Variants in SLC19A1 observed in about 807,000 individuals in gnomAD.
The protein encoded by SLC19A1 is reduced folate transporter.
In SLC19A1, 37 loss-of-function variants were observed where a neutral mutation model predicts 35.3. The observed-to-expected ratio is 1.05, with a 90% confidence interval of 0.81 to 1.38. The LOEUF is 1.38. Ranked by LOEUF, SLC19A1 falls within the 40% of genes most tolerant of loss-of-function variation. The pLI is 0.00. For missense variants in SLC19A1, 831 were observed against 826.9 expected (o/e 1.00, Z -0.06); for synonymous variants, 460 against 398.5 (o/e 1.15, Z -1.84).
At chr21:45,520,338 C>CT (rs1430037101) in intron 5 of SLC19A1, among the ~76,000 whole-genome samples, 2 of 151,822 alleles carry the variant, frequency 1.3e-5, no homozygotes, top group Non-Finnish European at 2.9e-5. Flanking sequence ...AGCCAGTGCA[C>CT]TAAGTCAAGA....
chr21:45,507,716 C>A, downstream of SLC19A1: 1 of 912,298 alleles, frequency 1.1e-6, no homozygotes, highest in Non-Finnish European at 1.8e-6. Flanking sequence ...TGTGGCTCAC[C>A]ATCAGCCCCT....
At chr21:45,519,512 A>G (rs968986241) in intron 5 of SLC19A1, among the ~76,000 whole-genome samples, 2 of 149,824 alleles carry the variant, frequency 1.3e-5, no homozygotes, top group Non-Finnish European at 3.0e-5. Flanking sequence ...TCATGTGAAC[A>G]TTAATCAAAG....
chr21:45,554,632 C>G (rs575978955), intron 1 of SLC19A1, among the ~76,000 whole-genome samples: 1 of 146,074 alleles, frequency 6.8e-6, no homozygotes, highest in African/African-American at 2.6e-5. Context: ...CACGGGGCAG[C>G]GGCGTGGAAA....
At chr21:45,531,019 G>T in intron 3 of SLC19A1, 48 bp from the exon 4 acceptor site, 1 of 1,313,460 alleles carries the variant, frequency 7.6e-7, no homozygotes, top group South Asian at 1.7e-5. Flanking sequence ...GGGGCCACGG[G>T]GCAGGGGGAG....
downstream of SLC19A1, among the ~76,000 whole-genome samples, chr21:45,509,053 T>C (rs531043576): frequency 6.6e-6 from 1 of 152,046 alleles, no homozygotes; most frequent in African/African-American, 2.4e-5. Context: ...GGGCCCTGAA[T>C]TGGAGCCGCG....
At chr21:45,554,987 G>A (rs2078528916) in intron 1 of SLC19A1, among the ~76,000 whole-genome samples, 1 of 151,170 alleles carries the variant, frequency 6.6e-6, no homozygotes, top group Non-Finnish European at 1.5e-5. Flanking sequence ...CCAGAACCCC[G>A]CGCCCAGGAG....
At chr21:45,510,970 CAA>C (rs2037552881), downstream of SLC19A1, 15 of 40,146 alleles carry the variant, frequency 3.7e-4, 6 homozygotes, top group East Asian at 2.3e-3. Context: ...CATACACCCC[CAA>C]ACACCCCCCA....
chr21:45,505,512 T>C (rs2037145167), intron 3 of SLC19A1: 3 of 776,874 alleles, frequency 3.9e-6, no homozygotes, highest in Admixed American at 4.1e-5. Context: ...AGAGACACTC[T>C]CCCACGGACC....
At chr21:45,532,618 G>A (rs921644345) in intron 2 of SLC19A1, among the ~76,000 whole-genome samples, 1 of 106,318 alleles carries the variant, frequency 9.4e-6, no homozygotes, top group African/African-American at 3.0e-5. Context: ...ATTTTTAGTA[G>A]AGATGGGGGT....
chr21:45,511,318 T>G, downstream of SLC19A1: 1 of 730,722 alleles, frequency 1.4e-6, no homozygotes, highest in Non-Finnish European at 2.5e-6. Flanking sequence ...CCCCGAGTTT[T>G]TGGACAAATC....
chr21:45,543,389 A>T (rs528930128), upstream of SLC19A1, among the ~76,000 whole-genome samples: 2 of 152,222 alleles, frequency 1.3e-5, no homozygotes, highest in African/African-American at 2.4e-5. Flanking sequence ...AGTCCACTGC[A>T]CAGAACAGAA....
intron 1 of SLC19A1, among the ~76,000 whole-genome samples, chr21:45,558,569 C>A (rs1272274659): frequency 6.6e-6 from 1 of 152,152 alleles, no homozygotes; most frequent in Non-Finnish European, 1.5e-5. Flanking sequence ...GACTTGAGTT[C>A]AGCCCCAGAA....
At chr21:45,516,636 G>A (rs2037961885) in intron 5 of SLC19A1, among the ~76,000 whole-genome samples, 3 of 152,230 alleles carry the variant, frequency 2.0e-5, no homozygotes, top group Non-Finnish European at 2.9e-5. Context: ...AGCGGAAGCT[G>A]TGCTACGATG....
At chr21:45,505,559 C>T in intron 3 of SLC19A1, 3 of 699,976 alleles carry the variant, frequency 4.3e-6, no homozygotes, top group Admixed American at 2.3e-5. Flanking sequence ...GATGCGGTTT[C>T]CAGGGTGGAA....
At chr21:45,549,833 C>T (rs996563123) in intron 1 of SLC19A1, among the ~76,000 whole-genome samples, 2 of 150,584 alleles carry the variant, frequency 1.3e-5, no homozygotes, top group Admixed American at 1.3e-4. Context: ...GGGGAGGGGA[C>T]AGCTGGGCGC....
At position 45,560,636 on chromosome 21, in the gene SLC19A1, G is replaced by C. The variant is rs539248335; in HGVS notation, c.-50+2106C>G. The stretch of plus-strand genomic sequence containing the variant: ...AGCAAGGACGGCCGCACACGGCGGG[G>C]CAGGGGAGCGGAGGTTGGAGTTGGG... On this transcript the variant is annotated intron_variant, in intron 1 of 5. Coordinates refer to the SLC19A1 transcript ENST00000650808. 2.1e-3 allele frequency among the ~76,000 whole-genome samples: 317 copies of C among 152,380 alleles called. 1 individual carries two copies. Among genetic ancestry groups the C allele is most frequent in the African/African-American group, 7.2e-3 (298 of 41,596 alleles).
chr21:45,503,553 G>A (rs566617279), intron 3 of SLC19A1, among the ~76,000 whole-genome samples: 18 of 147,592 alleles, frequency 1.2e-4, no homozygotes, highest in African/African-American at 1.8e-4. Flanking sequence ...ACCAAACACC[G>A]CATATTCTCA....
chr21:45,555,156 G>C, intron 1 of SLC19A1, among the ~76,000 whole-genome samples: 1 of 88,780 alleles, frequency 1.1e-5, no homozygotes, highest in Non-Finnish European at 2.1e-5. Flanking sequence ...GGTGCAGGGG[G>C]CGGCGGGGGC....
At chr21:45,527,349 A>G (rs1352888684) in intron 4 of SLC19A1, among the ~76,000 whole-genome samples, 6 of 95,472 alleles carry the variant, frequency 6.3e-5, no homozygotes, top group South Asian at 3.7e-4. Context: ...AGGAGGTGAG[A>G]GGCAGCCAGG....
Sources: gnomAD v4.1 joint callset for allele counts (sites outside exome capture counted in the v4.1 genomes callset) on GRCh38, gnomAD v4.1.1 for gene constraint, MANE v1.5 for transcripts, NCBI Gene and HGNC (gene_info 2026-07-23, HGNC 2026-07-21) for gene names.